The following SEMA3C variants were observed in gnomAD, a reference collection of about 807,000 sequenced individuals.
SEMA3C encodes the protein semaphorin-3C.
Under a neutral mutation model 89.4 loss-of-function variants are expected in SEMA3C, and 47 were observed. The observed-to-expected ratio is 0.53, with a 90% confidence interval of 0.42 to 0.67. The LOEUF is 0.67. Ranked by LOEUF, SEMA3C falls within the 30% of genes least tolerant of loss-of-function variation. The pLI, the probability that SEMA3C is intolerant of heterozygous loss-of-function variation, is 0.00. For synonymous variants in SEMA3C, 310 were observed against 320.2 expected (o/e 0.97, Z 0.34); for missense variants, 839 against 929.1 (o/e 0.90, Z 1.26).
intron 5 of SEMA3C, among the ~76,000 whole-genome samples, chr7:80,814,222 G>A (rs751529118): frequency 1.4e-3 from 212 of 151,820 alleles, no homozygotes; most frequent in Non-Finnish European, 2.3e-3. Context: ...CCAAGTAGCT[G>A]GGACTACAGG....
chr7:80,810,918 C>T (rs1789453122), intron 5 of SEMA3C, among the ~76,000 whole-genome samples: 1 of 152,090 alleles, frequency 6.6e-6, no homozygotes, highest in South Asian at 2.1e-4. Context: ...CTTTCTATTG[C>T]ACTCCCCAGA....
intron 2 of SEMA3C, among the ~76,000 whole-genome samples, chr7:80,905,606 C>A (rs1791995809): frequency 6.6e-6 from 1 of 152,134 alleles, no homozygotes; most frequent in Non-Finnish European, 1.5e-5. Flanking sequence ...CCGGGCATTC[C>A]AGCTTAATTC....
At chr7:80,772,976 G>T (rs1300684848) in intron 12 of SEMA3C, among the ~76,000 whole-genome samples, 6 of 152,068 alleles carry the variant, frequency 3.9e-5, no homozygotes, top group Non-Finnish European at 7.4e-5. Context: ...ATAATGTTTG[G>T]AGGTGCTGCA....
In SEMA3C at chr7:80,883,493, C is replaced by G. The variant is rs184461684; in HGVS notation, c.103+33186G>C. Among the ~76,000 whole-genome samples, 255 of 152,322 alleles carry G rather than the reference C, an allele frequency of 1.7e-3. 1 individual carries two copies. Among genetic ancestry groups the G allele is most frequent in the African/African-American group, 5.8e-3 (242 of 41,582 alleles). ...AAACTAATTATATAATCATAATCTC[C>G]TAAGATAAAAGTATGGGTTTTCCCT... On this transcript the variant is annotated intron_variant, in intron 2 of 17. Transcript: ENST00000265361.
At chr7:80,863,482 T>C (rs1790823617) in intron 2 of SEMA3C, among the ~76,000 whole-genome samples, 1 of 151,910 alleles carries the variant, frequency 6.6e-6, no homozygotes, top group Non-Finnish European at 1.5e-5. Context: ...AGGACTACCA[T>C]CTGATCCAGC....
At chr7:80,806,418 C>T (rs1562883966) in intron 6 of SEMA3C, among the ~76,000 whole-genome samples, 1 of 152,096 alleles carries the variant, frequency 6.6e-6, no homozygotes, top group Non-Finnish European at 1.5e-5. Context: ...AATGTAATCA[C>T]TAAAAGTACA....
chr7:80,836,954 C>T (rs1019193304), intron 2 of SEMA3C, among the ~76,000 whole-genome samples: 3 of 152,070 alleles, frequency 2.0e-5, no homozygotes, highest in Admixed American at 1.3e-4. Context: ...TCTTAATTAC[C>T]TTGAATGGTT....
chr7:80,916,870 G>T, intron 1 of SEMA3C, 51 bp from the exon 2 acceptor site: 1 of 1,530,594 alleles, frequency 6.5e-7, no homozygotes, highest in Non-Finnish European at 8.9e-7. Context: ...CATTTTAGGA[G>T]TAGGAAAAAA....
rs1379407825 is a variant in SEMA3C, at chr7:80,916,752, A to T, written c.30T>A (p.Val10=). The T allele has an allele frequency of 6.2e-7, 1 of 1,613,614 alleles. No individual in the cohort carries two copies. Among genetic ancestry groups the T allele is most frequent in the Admixed American group, 1.7e-5 (1 of 60,010 alleles). Residue 10 remains valine, a synonymous_variant, in exon 2 of 18, where the codon GTT becomes GTA. Transcript: ENST00000265361. ...CACAGATAGAACAAATAAATACTCC[A>T]ACCAACACGCAAATTGTCCGGAATG... MAFRTICVL[V]GVFICSICVK... is the part of the protein sequence containing the mutation.
At position 80,873,622 on chromosome 7, in the gene SEMA3C, A is replaced by G. The variant is rs566776852; in HGVS notation, c.103+43057T>C. Among the ~76,000 whole-genome samples the G allele has an allele frequency of 2.6e-5, 4 of 152,258 alleles. No individual in the cohort carries two copies. In the East Asian group the frequency reaches 5.8e-4, roughly 22 times the overall value. On this transcript the variant is annotated intron_variant, in intron 2 of 17. Coordinates refer to ENST00000265361, the MANE Select transcript of SEMA3C (RefSeq NM_006379.5). Reference sequence around the variant, plus strand: ...CATTTTCAGAGTTGAAGCTCTCTTCATTGCCATTCCTCTTGGCCTAAGTCA... The same window carrying G: ...CATTTTCAGAGTTGAAGCTCTCTTCGTTGCCATTCCTCTTGGCCTAAGTCA...
intron 15 of SEMA3C, among the ~76,000 whole-genome samples, chr7:80,754,957 G>GTTTTTTTTTTGTTTTTTTTGTTTTTTTTT (rs1449995090): frequency 9.2e-6 from 1 of 108,368 alleles, no homozygotes; most frequent in African/African-American, 3.5e-5. Flanking sequence ...GTTTTTTTTT[G>GTTTTTTTTTTGTTTTTTTTGTTTTTTTTT]TTTTTTTTTT....
intron 6 of SEMA3C, 60 bp from the exon 7 acceptor site, chr7:80,805,818 T>A (rs1562883668): frequency 7.8e-7 from 1 of 1,278,620 alleles, no homozygotes; most frequent in Non-Finnish European, 1.1e-6. Context: ...AAATTCTAGG[T>A]GAGTTTATTT....
intron 2 of SEMA3C, chr7:80,905,901 T>C (rs1372232191): frequency 7.8e-7 from 1 of 1,289,402 alleles, no homozygotes; most frequent in Non-Finnish European, 1.0e-6. Context: ...GCACACAGCA[T>C]TGTACAAGGT....
intron 2 of SEMA3C, among the ~76,000 whole-genome samples, chr7:80,877,057 G>T (rs1791218565): frequency 6.6e-6 from 1 of 152,200 alleles, no homozygotes; most frequent in African/African-American, 2.4e-5. Context: ...TGTCATGTTA[G>T]ATGGTCACTA....
At chr7:80,922,025 T>C (rs987195668), upstream of SEMA3C, among the ~76,000 whole-genome samples, 1 of 152,188 alleles carries the variant, frequency 6.6e-6, no homozygotes, top group Non-Finnish European at 1.5e-5. Context: ...AGGTTAAAAA[T>C]TGTCTTATTA....
At chr7:80,815,382 A>T (rs1343366624) in intron 5 of SEMA3C, among the ~76,000 whole-genome samples, 1 of 152,030 alleles carries the variant, frequency 6.6e-6, no homozygotes, top group Non-Finnish European at 1.5e-5. Flanking sequence ...GAAATATTAG[A>T]AAGGATGAAT....
intron 2 of SEMA3C, among the ~76,000 whole-genome samples, chr7:80,911,711 G>A (rs1414170867): frequency 1.3e-5 from 2 of 150,952 alleles, no homozygotes; most frequent in Non-Finnish European, 2.9e-5. Context: ...TCGACTCACT[G>A]CAAGCTCTGC....
chr7:80,840,518 G>GAAAA (rs1171113816), intron 2 of SEMA3C, among the ~76,000 whole-genome samples: 4 of 82,514 alleles, frequency 4.8e-5, no homozygotes, highest in African/African-American at 9.8e-5. Context: ...CTGTCTCCAG[G>GAAAA]AAAAAAAAAA....
At chr7:80,907,631 C>T (rs929727866) in intron 2 of SEMA3C, among the ~76,000 whole-genome samples, 1 of 151,986 alleles carries the variant, frequency 6.6e-6, no homozygotes, top group Admixed American at 6.6e-5. Context: ...GGCAATGAGA[C>T]TCCAATCTCT....
Sources: gnomAD v4.1 joint callset for allele counts (sites outside exome capture counted in the v4.1 genomes callset) on GRCh38, gnomAD v4.1.1 for gene constraint, MANE v1.5 for transcripts, NCBI Gene and HGNC (gene_info 2026-07-23, HGNC 2026-07-21) for gene names.